COG4: variants seen among roughly 807,000 people sequenced by gnomAD.
COG4 encodes the protein conserved oligomeric Golgi complex subunit 4.
A neutral mutation model predicts 95.1 loss-of-function variants in COG4; 65 were observed. That is an observed-to-expected ratio of 0.68 (90% CI 0.56 to 0.84). The LOEUF (loss-of-function observed/expected upper bound fraction) is 0.84, where lower values mean the gene tolerates loss of function less well. Among genes scored for constraint, COG4 ranks in the 40% least tolerant of loss-of-function variants. The pLI is 0.00. For synonymous variants in COG4, 421 were observed against 374.8 expected, an observed-to-expected ratio of 1.12 and a Z score of -1.42; for missense variants, 1,045 against 989.1, an observed-to-expected ratio of 1.06 and a Z score of -0.76.
Position 70,497,388 on chromosome 16 carries a change from C to T in COG4, c.1315-1G>A, listed in dbSNP as rs2049361714. 1 of 1,612,766 alleles carries T rather than the reference C, an allele frequency of 6.2e-7. No homozygotes were observed. The highest frequency in any genetic ancestry group is 1.3e-5 in the African/African-American group (1 of 74,896). On this transcript the variant is annotated splice_acceptor_variant, in intron 10 of 18. Coordinates refer to ENST00000323786, the MANE Select transcript of COG4 (RefSeq NM_015386.3). LOFTEE classifies it high-confidence loss of function. ...TCTCATAGGTGTCCAGAGCCACAGC[C>T]TACCCAAAAGGCAAAGCCAACACTG... is the stretch of plus-strand genomic sequence containing the variant.
At chr16:70,517,511 C>A in intron 3 of COG4, 115 bp downstream of exon 3, 4 of 678,772 alleles carry the variant, frequency 5.9e-6, no homozygotes, top group Admixed American at 2.5e-5. Flanking sequence ...TTGCTTGAGC[C>A]CAGGGAGTTG....
In COG4 at chr16:70,481,643, C is replaced by A. The variant is rs1018354999; in HGVS notation, c.2106+121G>T. The A allele has an allele frequency of 2.9e-6, 4 of 1,358,286 alleles. No individual in the cohort carries two copies. In the African/African-American group the frequency reaches 4.3e-5, roughly 15 times the overall value. 84.1% of individuals were successfully genotyped at this position (1,358,286 alleles called of 1,614,324 possible). Reference sequence around the variant, plus strand: ...CTTCAGAAGCCAGAGCAGGACTGGACCCAGACATGCAGGGCCTGTGGGCAG... The same window carrying A: ...CTTCAGAAGCCAGAGCAGGACTGGAACCAGACATGCAGGGCCTGTGGGCAG... On this transcript the variant is annotated intron_variant, in intron 17 of 18. Coordinates refer to ENST00000323786, the MANE Select transcript of COG4 (RefSeq NM_015386.3).
chr16:70,504,314 T>C (rs2049514437), intron 8 of COG4, among the ~76,000 whole-genome samples: 1 of 151,836 alleles, frequency 6.6e-6, no homozygotes, highest in African/African-American at 2.4e-5. Context: ...AACAAAAAAT[T>C]ATCCAGTCAA....
At chr16:70,507,922 T>C (rs886931223) in intron 8 of COG4, among the ~76,000 whole-genome samples, 2 of 151,846 alleles carry the variant, frequency 1.3e-5, no homozygotes, top group Admixed American at 6.6e-5. Flanking sequence ...TTATAATTTA[T>C]TATTTATTTA....
At chr16:70,500,688 A>T (rs1300615390) in intron 9 of COG4, among the ~76,000 whole-genome samples, 1 of 152,138 alleles carries the variant, frequency 6.6e-6, no homozygotes, top group Non-Finnish European at 1.5e-5. Flanking sequence ...CAAAAAAAGA[A>T]CACTTCATTG....
Position 70,481,082 on chromosome 16 carries a change from AG to A in COG4, c.2297del (p.Pro766LeufsTer12). 3 of 1,613,426 alleles carry A rather than the reference AG, an allele frequency of 1.9e-6. No homozygotes were observed. In the South Asian group the frequency reaches 3.3e-5, roughly 18 times the overall value. ...GGGCCAGCACCTGGCGCACTTCAGC[AG>A]GGGTGAGGCGCCACGTCAATGGGCC... ...NSGPLTWRLTPAEVRQVLALR... is the reference protein window; with the variant it reads ...NSGPLTWRLTXAEVRQVLALR... On this transcript the variant is annotated frameshift_variant, in exon 19 of 19. Transcript: ENST00000323786. LOFTEE classifies it high-confidence loss of function.
chr16:70,507,208 A>G (rs139167290), intron 8 of COG4, among the ~76,000 whole-genome samples: 2,224 of 152,216 alleles, frequency 0.015, 27 homozygotes, highest in Middle Eastern at 0.024. Context: ...ACCGTACTGC[A>G]GTCTGGCCTG....
intron 8 of COG4, chr16:70,501,678 A>C (rs1171095094): frequency 6.3e-6 from 1 of 157,498 alleles, no homozygotes; most frequent in African/African-American, 2.4e-5. Flanking sequence ...TTTGAGACAG[A>C]GTCTTGCTCT....
chr16:70,481,567 G>C, intron 17 of COG4, 80 bp from the exon 18 acceptor site: 1 of 1,598,248 alleles, frequency 6.3e-7, no homozygotes. Context: ...GAGCTGGGTG[G>C]CAAGGCCCGC....
chr16:70,487,272 T>G, intron 13 of COG4, among the ~76,000 whole-genome samples: 1 of 139,856 alleles, frequency 7.2e-6, no homozygotes. Context: ...TGAGAATCGG[T>G]CTCAAAAAAT....
chr16:70,520,585 T>C (rs2049921073), intron 1 of COG4, among the ~76,000 whole-genome samples: 1 of 151,102 alleles, frequency 6.6e-6, no homozygotes, highest in Admixed American at 6.6e-5. Flanking sequence ...TGAGCCGAGA[T>C]CGTGCCATTT....
chr16:70,489,053 T>C (rs2049191337), intron 13 of COG4, among the ~76,000 whole-genome samples: 2 of 152,168 alleles, frequency 1.3e-5, no homozygotes, highest in South Asian at 4.1e-4. Context: ...AAGTGAAGAT[T>C]TGAACTTGGG....
intron 8 of COG4, among the ~76,000 whole-genome samples, chr16:70,505,959 A>G (rs1330138912): frequency 6.6e-6 from 1 of 151,772 alleles, no homozygotes; most frequent in Non-Finnish European, 1.5e-5. Flanking sequence ...CATCCTGGGC[A>G]ACATAGCAAG....
intron 16 of COG4, 94 bp from the exon 17 acceptor site, chr16:70,481,959 C>A: frequency 7.3e-7 from 1 of 1,365,104 alleles, no homozygotes; most frequent in South Asian, 1.2e-5. Context: ...CGTGAGGCCA[C>A]GGGGGAGTTT....
chr16:70,521,055 T>C (rs2049931829), intron 1 of COG4, among the ~76,000 whole-genome samples: 1 of 152,132 alleles, frequency 6.6e-6, no homozygotes, highest in Non-Finnish European at 1.5e-5. Context: ...GGTCCACTGT[T>C]TAATTTTTTT....
chr16:70,495,883 G>A (rs1333626522), intron 12 of COG4, among the ~76,000 whole-genome samples: 2 of 152,226 alleles, frequency 1.3e-5, no homozygotes, highest in Non-Finnish European at 2.9e-5. Context: ...AAGGACTGGC[G>A]CCTGCCCATG....
At chr16:70,493,551 A>G (rs140216457) in intron 12 of COG4, among the ~76,000 whole-genome samples, 50 of 152,316 alleles carry the variant, frequency 3.3e-4, no homozygotes, top group East Asian at 2.5e-3. Flanking sequence ...AGAGTGAATG[A>G]ACATATTCTG....
In COG4 at chr16:70,519,288, C is replaced by T. The variant is rs1597693764; in HGVS notation, c.254+361G>A. 6.7e-5 allele frequency among the ~76,000 whole-genome samples: 6 copies of T among 89,036 alleles called. 2 individuals are homozygous for T. The highest frequency in any genetic ancestry group is 9.1e-4 in the South Asian group (2 of 2,194). 58.4% of individuals were successfully genotyped at this position (89,036 alleles called of 152,430 possible). A position where few individuals can be genotyped will look rare whatever the true frequency, so the allele number is the denominator to read the frequency against. On this transcript the variant is annotated intron_variant, in intron 2 of 18. Transcript: ENST00000323786. ...GACTACAGGCGCCCGCCACCGCGCC[C>T]GGCTAATTTTTTGTATTTTTAGTAG...
chr16:70,508,852 T>C (rs777848645), intron 7 of COG4: 1 of 533,730 alleles, frequency 1.9e-6, no homozygotes, highest in South Asian at 1.6e-5. Context: ...ATCTTTAACA[T>C]CTTAGGAATG....
Sources: gnomAD v4.1 joint callset for allele counts (sites outside exome capture counted in the v4.1 genomes callset) on GRCh38, gnomAD v4.1.1 for gene constraint, MANE v1.5 for transcripts, NCBI Gene and HGNC (gene_info 2026-07-23, HGNC 2026-07-21) for gene names.